Variants in SLC13A3 observed in about 807,000 individuals in gnomAD.
SLC13A3 encodes the protein solute carrier family 13 member 3, also known as Na(+)/dicarboxylate cotransporter 3.
In SLC13A3, 40 loss-of-function variants were observed where a neutral mutation model predicts 59.0. The observed-to-expected ratio is 0.68, with a 90% CI of 0.53 to 0.88. SLC13A3 has a LOEUF of 0.88. Among genes scored for constraint, SLC13A3 ranks in the 40% least tolerant of loss-of-function variants. The pLI, the probability that SLC13A3 is intolerant of heterozygous loss-of-function variation, is 0.00. For synonymous variants in SLC13A3, 317 were observed against 330.3 expected, an observed-to-expected ratio of 0.96 and a Z score of 0.44; for missense variants, 699 against 783.2, an observed-to-expected ratio of 0.89 and a Z score of 1.28.
rs530410050 is a variant in SLC13A3, at chr20:46,621,808, C to T, written c.112-8083G>A. On this transcript the variant is annotated intron_variant, in intron 1 of 12. Coordinates refer to ENST00000279027, the MANE Select transcript of SLC13A3 (RefSeq NM_022829.6). ...AAATAAGTTTTTCAGGAACTGTTCTCCCTACCGCTCCGCTAAAAATTCATA... is the reference window on the plus strand; with the variant it reads ...AAATAAGTTTTTCAGGAACTGTTCTTCCTACCGCTCCGCTAAAAATTCATA... Among the ~76,000 whole-genome samples the T allele has an allele frequency of 9.8e-5, 15 of 152,340 alleles. No homozygotes were observed. The South Asian group carries it at 2.9e-3, about 29-fold the overall frequency.
intron 1 of SLC13A3, among the ~76,000 whole-genome samples, chr20:46,668,638 T>C (rs1244261822): frequency 6.6e-6 from 1 of 152,212 alleles, no homozygotes; most frequent in Non-Finnish European, 1.5e-5. Context: ...GCTAAGGTCA[T>C]TGATGAAGAT....
At chr20:46,616,062 T>C (rs149670564) in intron 1 of SLC13A3, among the ~76,000 whole-genome samples, 3 of 152,276 alleles carry the variant, frequency 2.0e-5, no homozygotes, top group African/African-American at 7.2e-5. Flanking sequence ...ACACTAAAGG[T>C]TGAAAGCAAA....
chr20:46,628,866 T>C (rs2062706721), intron 1 of SLC13A3, among the ~76,000 whole-genome samples: 1 of 152,232 alleles, frequency 6.6e-6, no homozygotes, highest in Non-Finnish European at 1.5e-5. Context: ...GACAGACTGT[T>C]CTAGAGAACT....
At chr20:46,596,111 G>C (rs2062309356) in intron 5 of SLC13A3, 46 bp downstream of exon 5, 1 of 1,556,416 alleles carries the variant, frequency 6.4e-7, no homozygotes, top group South Asian at 1.2e-5. Flanking sequence ...GGGAAGAGGA[G>C]GGGAGGAGCA....
rs1050986236 is a variant in SLC13A3, at chr20:46,592,685, A to G, written c.795-156T>C. 2.6e-5 allele frequency among the ~76,000 whole-genome samples: 4 copies of G among 152,166 alleles called. No individual in the cohort carries two copies. The South Asian group carries it at 8.3e-4, about 31-fold the overall frequency. ...AGTGTTTTCCACCAATTCTAATAGA[A>G]GCACCCTTTTTTCCTCTTCTTTGGA... On this transcript the variant is annotated intron_variant, in intron 5 of 12. Transcript: ENST00000279027.
intron 1 of SLC13A3, among the ~76,000 whole-genome samples, chr20:46,623,927 C>G (rs2062641818): frequency 2.0e-5 from 3 of 152,148 alleles, no homozygotes; most frequent in African/African-American, 7.2e-5. Context: ...GTGGTCTGAC[C>G]AGAGTTTTCT....
chr20:46,595,762 G>A (rs184835622), intron 5 of SLC13A3, among the ~76,000 whole-genome samples: 1 of 152,122 alleles, frequency 6.6e-6, no homozygotes, highest in East Asian at 1.9e-4. Flanking sequence ...CCCCACTGTC[G>A]GCAATGCCTT....
upstream of SLC13A3, among the ~76,000 whole-genome samples, chr20:46,671,567 G>T (rs1459892297): frequency 2.6e-5 from 4 of 152,072 alleles, no homozygotes; most frequent in Non-Finnish European, 4.4e-5. Context: ...CCAAATCACA[G>T]TGTGGGTTCT....
intron 1 of SLC13A3, among the ~76,000 whole-genome samples, chr20:46,646,208 C>T (rs1457657874): frequency 6.6e-6 from 1 of 152,180 alleles, no homozygotes; most frequent in Non-Finnish European, 1.5e-5. Context: ...CTCTCACTTC[C>T]TGGCCGCTCT....
intron 8 of SLC13A3, chr20:46,585,158 T>G (rs1255155386): frequency 3.0e-6 from 3 of 984,666 alleles, no homozygotes; most frequent in Non-Finnish European, 3.6e-6. Context: ...AAAAAAAGAA[T>G]GGAGTAAGTC....
intron 1 of SLC13A3, among the ~76,000 whole-genome samples, chr20:46,681,230 G>C (rs2122953841): frequency 6.6e-6 from 1 of 152,330 alleles, no homozygotes; most frequent in South Asian, 2.1e-4. Context: ...CATTAAGACT[G>C]GAAGGAACTA....
chr20:46,669,269 C>G (rs1357607177), intron 1 of SLC13A3, among the ~76,000 whole-genome samples: 3 of 151,914 alleles, frequency 2.0e-5, no homozygotes, highest in Non-Finnish European at 4.4e-5. Context: ...TGTTCCACCC[C>G]CCTCGTGGAC....
rs534712978 is a variant in SLC13A3 at position 46,581,217 on chromosome 20, C to T, written c.1219+2355G>A. Among the ~76,000 whole-genome samples, 48 of 152,320 alleles carry T rather than the reference C, an allele frequency of 3.2e-4. No homozygotes were observed. The Middle Eastern group carries it at 0.014, about 43-fold the overall frequency. On this transcript the variant is annotated intron_variant, in intron 9 of 12. Transcript: ENST00000279027. The stretch of plus-strand genomic sequence containing the variant: ...GGGCTCGCCTGCCCTGCAACAATAG[C>T]GCCTTCCCCATGGGCCCAGCTGAGA...
chr20:46,651,604 C>T (rs1185574876), upstream of SLC13A3: 5 of 1,245,658 alleles, frequency 4.0e-6, no homozygotes, highest in East Asian at 9.6e-5. Flanking sequence ...GGCCCGGGAA[C>T]GTTGGAGAAA....
chr20:46,610,488 C>A lies in SLC13A3; in HGVS notation c.499G>T (p.Glu167Ter). The change falls in exon 3 of 13, where the codon GAG becomes TAG. Residue 167 changes from glutamate (E) to a stop codon, truncating the protein, a stop_gained. Coordinates refer to ENST00000279027, the MANE Select transcript of SLC13A3 (RefSeq NM_022829.6). LOFTEE classifies it high-confidence loss of function. The part of the protein sequence containing the change: ...AILKSLFGQK[E>*]VRKDPSQESE... ...TCCTGGCTGGGGTCCTTTCGAACCT[C>A]CTTCTGGCCAAAGAGACTTTTCAGG... The A allele has an allele frequency of 1.2e-6, 2 of 1,614,152 alleles. No homozygotes were observed.
intron 1 of SLC13A3, among the ~76,000 whole-genome samples, chr20:46,624,307 T>C (rs1479420531): frequency 6.6e-6 from 1 of 152,232 alleles, no homozygotes; most frequent in Admixed American, 6.5e-5. Context: ...TCAATACCTA[T>C]TGAGAATTTG....
At chr20:46,648,565 A>C (rs2062918119) in intron 1 of SLC13A3, among the ~76,000 whole-genome samples, 1 of 152,220 alleles carries the variant, frequency 6.6e-6, no homozygotes, top group Admixed American at 6.5e-5. Context: ...ACTGTAGGGA[A>C]CAAAGGGGTG....
chr20:46,611,516 C>A (rs1038719729), intron 2 of SLC13A3, among the ~76,000 whole-genome samples: 1 of 152,130 alleles, frequency 6.6e-6, no homozygotes, highest in Non-Finnish European at 1.5e-5. Flanking sequence ...CAGGAGGAGG[C>A]GCAGCTACAG....
In SLC13A3 at chr20:46,627,418, C is replaced by T. The variant is rs189171699; in HGVS notation, c.112-13693G>A. Among the ~76,000 whole-genome samples, 433 of 152,016 alleles carry T rather than the reference C, an allele frequency of 2.8e-3. 2 individuals carry two copies. The highest frequency in any genetic ancestry group is 4.7e-3 in the Non-Finnish European group (320 of 67,966). On this transcript the variant is annotated intron_variant, in intron 1 of 12. Coordinates refer to ENST00000279027, the MANE Select transcript of SLC13A3 (RefSeq NM_022829.6). ...GTGTCATGAGTGCAATAGGGAGGGG[C>T]GGGGACTGTGGTGAAGTGGGGAACA...
Sources: allele counts gnomAD v4.1 joint callset (sites outside exome capture counted in the v4.1 genomes callset), GRCh38; gene constraint gnomAD v4.1.1; transcripts MANE v1.5; gene names NCBI Gene and HGNC (gene_info 2026-07-23, HGNC 2026-07-21).